Variants in ADAMTS6 observed in about 807,000 individuals in gnomAD.
ADAMTS6 encodes the protein A disintegrin and metalloproteinase with thrombospondin motifs 6.
Under a neutral mutation model 144.3 loss-of-function variants are expected in ADAMTS6, and 23 were observed. That is an observed-to-expected ratio of 0.16 (90% CI 0.11 to 0.23). ADAMTS6 has a LOEUF of 0.23. Ranked by LOEUF, ADAMTS6 falls within the 10% of genes least tolerant of loss-of-function variation. ADAMTS6 has a pLI of 1.00. For synonymous variants in ADAMTS6, 444 were observed against 457.5 expected, an observed-to-expected ratio of 0.97 and a Z score of 0.38; for missense variants, 999 against 1,379.6, an observed-to-expected ratio of 0.72 and a Z score of 4.37.
chr5:65,346,012 C>T (rs929020215), intron 7 of ADAMTS6, among the ~76,000 whole-genome samples: 12 of 151,874 alleles, frequency 7.9e-5, no homozygotes, highest in African/African-American at 2.9e-4. Context: ...AATAATCTAG[C>T]TTAAATTTAC....
At chr5:65,316,701 CAAAG>C (rs1745034982) in intron 9 of ADAMTS6, among the ~76,000 whole-genome samples, 1 of 152,006 alleles carries the variant, frequency 6.6e-6, no homozygotes, top group South Asian at 2.1e-4. Context: ...ATTAACAAGA[CAAAG>C]AAGATTTCAG....
intron 7 of ADAMTS6, among the ~76,000 whole-genome samples, chr5:65,341,508 A>ATT (rs1357735507): frequency 6.6e-6 from 1 of 152,000 alleles, no homozygotes; most frequent in East Asian, 1.9e-4. Flanking sequence ...GAAATAAAAA[A>ATT]AAGTGATGCC....
chr5:65,414,122 A>T (rs2150186983), intron 7 of ADAMTS6, among the ~76,000 whole-genome samples: 1 of 152,246 alleles, frequency 6.6e-6, no homozygotes, highest in South Asian at 2.1e-4. Context: ...ATCCATGAGG[A>T]ATCTGAATGA....
intron 3 of ADAMTS6, among the ~76,000 whole-genome samples, chr5:65,464,769 C>A (rs959861122): frequency 1.3e-5 from 2 of 152,178 alleles, no homozygotes; most frequent in African/African-American, 4.8e-5. Flanking sequence ...ATATTTGGAG[C>A]CTTCTATAAT....
At chr5:65,355,439 G>A (rs1749229367) in intron 7 of ADAMTS6, among the ~76,000 whole-genome samples, 1 of 151,702 alleles carries the variant, frequency 6.6e-6, no homozygotes, top group Admixed American at 6.6e-5. Flanking sequence ...AAATCATTAG[G>A]GCAAAAGGGA....
At chr5:65,392,585 T>G (rs746827487) in intron 7 of ADAMTS6, among the ~76,000 whole-genome samples, 1 of 152,216 alleles carries the variant, frequency 6.6e-6, no homozygotes, top group South Asian at 2.1e-4. Context: ...TCCAGTAGGA[T>G]CCCTGTGTTC....
intron 21 of ADAMTS6, among the ~76,000 whole-genome samples, chr5:65,189,674 C>T (rs954821489): frequency 6.6e-6 from 1 of 152,162 alleles, no homozygotes; most frequent in African/African-American, 2.4e-5. Context: ...ATGTCTACTA[C>T]GTTCAAGGCA....
At chr5:65,235,339 T>G (rs1758585631) in intron 15 of ADAMTS6, among the ~76,000 whole-genome samples, 1 of 152,208 alleles carries the variant, frequency 6.6e-6, no homozygotes, top group Non-Finnish European at 1.5e-5. Flanking sequence ...TATATACAAT[T>G]TTTATTTGTC....
chr5:65,224,816 T>C (rs930355535), intron 17 of ADAMTS6, 108 bp downstream of exon 17: 6 of 1,317,432 alleles, frequency 4.6e-6, no homozygotes, highest in South Asian at 1.7e-5. Flanking sequence ...GAAGAAAACA[T>C]TGTCTGCCTA....
chr5:65,351,807 C>CAA (rs201374753), intron 7 of ADAMTS6, among the ~76,000 whole-genome samples: 3 of 142,800 alleles, frequency 2.1e-5, no homozygotes, highest in African/African-American at 7.7e-5. Flanking sequence ...TCTTAAAAAA[C>CAA]AAAAAAAAAA....
chr5:65,453,401 G>C (rs1356313915), intron 4 of ADAMTS6, among the ~76,000 whole-genome samples: 1 of 152,102 alleles, frequency 6.6e-6, no homozygotes, highest in Non-Finnish European at 1.5e-5. Flanking sequence ...ATTTTAATTA[G>C]AATCAATTCT....
chr5:65,408,999 A>G (rs1340516692), intron 7 of ADAMTS6, among the ~76,000 whole-genome samples: 3 of 152,234 alleles, frequency 2.0e-5, no homozygotes. Flanking sequence ...CATTTAAAGC[A>G]GTGTGTAGAG....
intron 20 of ADAMTS6, among the ~76,000 whole-genome samples, chr5:65,208,348 G>A (rs1021530285): frequency 6.6e-6 from 1 of 152,166 alleles, no homozygotes; most frequent in Non-Finnish European, 1.5e-5. Context: ...CTCTGGGGGT[G>A]GGGACAAAGT....
At chr5:65,452,979 T>G in intron 4 of ADAMTS6, 61 bp from the exon 5 acceptor site, 2 of 1,290,606 alleles carry the variant, frequency 1.5e-6, no homozygotes, top group Non-Finnish European at 2.2e-6. Context: ...TTTATAGATC[T>G]TTCATGTAGA....
intron 22 of ADAMTS6, among the ~76,000 whole-genome samples, chr5:65,185,895 G>A (rs1754652231): frequency 6.6e-6 from 1 of 152,170 alleles, no homozygotes; most frequent in Non-Finnish European, 1.5e-5. Flanking sequence ...ACAGAATAGT[G>A]TAGGTCAGAA....
At chr5:65,267,694 A>C (rs1039802800) in intron 12 of ADAMTS6, among the ~76,000 whole-genome samples, 1 of 152,102 alleles carries the variant, frequency 6.6e-6, no homozygotes, top group African/African-American at 2.4e-5. Flanking sequence ...CAAGATGAGT[A>C]TATGCAGTAT....
intron 7 of ADAMTS6, among the ~76,000 whole-genome samples, chr5:65,432,994 CT>C (rs1432942658): frequency 7.2e-5 from 11 of 152,128 alleles, no homozygotes; most frequent in Non-Finnish European, 1.5e-4. Flanking sequence ...ACTCTTTCCC[CT>C]CTAAAAATAC....
intron 7 of ADAMTS6, among the ~76,000 whole-genome samples, chr5:65,450,276 T>C (rs1729354644): frequency 2.0e-5 from 3 of 152,300 alleles, no homozygotes; most frequent in Middle Eastern, 3.4e-3. Context: ...TCACCAATGA[T>C]GCCAGGTAGA....
intron 7 of ADAMTS6, among the ~76,000 whole-genome samples, chr5:65,442,679 A>T (rs906796450): frequency 1.3e-4 from 20 of 152,120 alleles, no homozygotes; most frequent in African/African-American, 2.4e-4. Context: ...CTATATATAT[A>T]TTTTTATTGA....
Sources: gnomAD v4.1 joint callset for allele counts (sites outside exome capture counted in the v4.1 genomes callset) on GRCh38, gnomAD v4.1.1 for gene constraint, MANE v1.5 for transcripts, NCBI Gene and HGNC (gene_info 2026-07-23, HGNC 2026-07-21) for gene names.